The following IL12RB2 variants were observed in gnomAD, a reference collection of about 807,000 sequenced individuals.
The protein encoded by IL12RB2 is interleukin-12 receptor subunit beta-2.
A neutral mutation model predicts 89.4 loss-of-function variants in IL12RB2; 82 were observed. The observed-to-expected ratio is 0.92, with a 90% CI of 0.77 to 1.10. The LOEUF (loss-of-function observed/expected upper bound fraction) is 1.10. Ranked by LOEUF, IL12RB2 falls within the 50% of genes least tolerant of loss-of-function variation. The probability of loss-of-function intolerance (pLI) is 0.00; values close to 1 mark genes in which losing one functional copy is unlikely to be tolerated. For missense variants in IL12RB2, 963 were observed against 1,031.9 expected (o/e 0.93, Z 0.92); for synonymous variants, 368 against 370.1 (o/e 0.99, Z 0.07).
chr1:67,393,381 G>A (rs151143513), intron 16 of IL12RB2, among the ~76,000 whole-genome samples: 13 of 152,308 alleles, frequency 8.5e-5, no homozygotes, highest in African/African-American at 3.1e-4. Context: ...CAGCCAGAGG[G>A]CCCGCTTTGT....
At chr1:67,368,869 A>C (rs1424961161) in intron 11 of IL12RB2, among the ~76,000 whole-genome samples, 1 of 152,172 alleles carries the variant, frequency 6.6e-6, no homozygotes, top group Non-Finnish European at 1.5e-5. Flanking sequence ...TTCGTGGAAA[A>C]TGTTTTGAAC....
At chr1:67,317,368 A>G (rs1655913233) in intron 2 of IL12RB2, among the ~76,000 whole-genome samples, 1 of 152,214 alleles carries the variant, frequency 6.6e-6, no homozygotes, top group Non-Finnish European at 1.5e-5. Context: ...AACACATTTT[A>G]TGTATCTGAA....
intron 10 of IL12RB2, among the ~76,000 whole-genome samples, chr1:67,357,378 A>AAAAAG (rs1008216803): frequency 1.8e-4 from 27 of 152,148 alleles, no homozygotes; most frequent in Admixed American, 1.4e-3. Context: ...ATTCTGTCTC[A>AAAAAG]AAAAGAAAAG....
Position 67,350,934 on chromosome 1 carries a change from C to A in IL12RB2, c.1103C>A (p.Thr368Lys). Residue 368 changes from threonine (T) to lysine (K), a missense_variant, in exon 10 of 17, where the codon ACA becomes AAA. Coordinates refer to ENST00000674203, the MANE Select transcript of IL12RB2 (RefSeq NM_001374259.2). ...LHYQVTLQEL[T>K]GGKAMTQNIT... Reference sequence around the variant, plus strand: ...TATCAGGTGACCTTGCAGGAGCTGACAGGAGGGAAAGCCATGACACAGAAC... The same window carrying A: ...TATCAGGTGACCTTGCAGGAGCTGAAAGGAGGGAAAGCCATGACACAGAAC... The A allele has an allele frequency of 1.9e-6, 3 of 1,614,084 alleles. No individual in the cohort carries two copies. Among genetic ancestry groups the A allele is most frequent in the Non-Finnish European group, 1.7e-6 (2 of 1,179,988 alleles).
At position 67,374,629 on chromosome 1, in the gene IL12RB2, C is replaced by A. The variant is rs191752037; in HGVS notation, c.1717+1846C>A. ...TAGCTGGGATTACAGACATGTACCA[C>A]CATGCCCTGCTAATTTTTGTATTTT... On this transcript the variant is annotated intron_variant, in intron 13 of 16. Coordinates refer to ENST00000674203, the MANE Select transcript of IL12RB2 (RefSeq NM_001374259.2). 2.1e-4 allele frequency among the ~76,000 whole-genome samples: 32 copies of A among 152,138 alleles called. No individual in the cohort carries two copies. The South Asian group carries it at 4.8e-3, about 23-fold the overall frequency.
intron 5 of IL12RB2, 82 bp downstream of exon 5, chr1:67,326,931 A>T (rs368041814): frequency 5.2e-6 from 5 of 965,220 alleles, no homozygotes; most frequent in African/African-American, 1.8e-5. Context: ...TTCTTTATTT[A>T]TTTTTATTTT....
Position 67,340,866 on chromosome 1 carries a change from G to A in IL12RB2, c.1038+2163G>A, listed in dbSNP as rs549184952. Among the ~76,000 whole-genome samples the A allele has an allele frequency of 1.6e-4, 24 of 152,246 alleles. No homozygotes were observed. In the East Asian group the frequency reaches 4.6e-3, roughly 29 times the overall value. ...GGCTTAGGTTCTATAATGAGGTCTT[G>A]GAATTTGGAGGGACTTCAAAGCTCT... On this transcript the variant is annotated intron_variant, in intron 9 of 16. Transcript: ENST00000674203.
chr1:67,350,339 A>C (rs1303502628), intron 9 of IL12RB2, among the ~76,000 whole-genome samples: 1 of 152,274 alleles, frequency 6.6e-6, no homozygotes, highest in Non-Finnish European at 1.5e-5. Flanking sequence ...TTCCTAGCAC[A>C]GATGGCTAAT....
intron 10 of IL12RB2, 118 bp downstream of exon 10, chr1:67,351,207 T>C: frequency 6.5e-7 from 1 of 1,530,122 alleles, no homozygotes; most frequent in Non-Finnish European, 8.8e-7. Flanking sequence ...GGCTTTGGAG[T>C]CAACAGCTTT....
At chr1:67,392,066 GCTGC>G (rs1182974284) in intron 16 of IL12RB2, among the ~76,000 whole-genome samples, 2 of 152,162 alleles carry the variant, frequency 1.3e-5, no homozygotes, top group African/African-American at 4.8e-5. Flanking sequence ...AGCAGGATAT[GCTGC>G]CTATCATTGC....
chr1:67,380,254 C>T (rs1664433639), intron 14 of IL12RB2, 131 bp downstream of exon 14: 2 of 863,638 alleles, frequency 2.3e-6, no homozygotes, highest in Non-Finnish European at 3.8e-6. Context: ...TCACTTTACA[C>T]TTGCTGTTTC....
chr1:67,336,302 T>C (rs1236402448), intron 8 of IL12RB2, among the ~76,000 whole-genome samples: 1 of 152,198 alleles, frequency 6.6e-6, no homozygotes, highest in Non-Finnish European at 1.5e-5. Context: ...GCAGATGTAA[T>C]CATATGCACC....
At chr1:67,320,873 A>G (rs1383639568) in intron 3 of IL12RB2, among the ~76,000 whole-genome samples, 1 of 151,848 alleles carries the variant, frequency 6.6e-6, no homozygotes, top group African/African-American at 2.4e-5. Flanking sequence ...ATTTCTCCTA[A>G]TGCTATCCCT....
intron 8 of IL12RB2, among the ~76,000 whole-genome samples, chr1:67,335,711 A>G (rs548809076): frequency 6.6e-6 from 1 of 151,800 alleles, no homozygotes; most frequent in Admixed American, 6.6e-5. Flanking sequence ...ACTTTTAGTG[A>G]CTCTGTGACA....
At chr1:67,341,584 AAAAG>A (rs1407517386) in intron 9 of IL12RB2, among the ~76,000 whole-genome samples, 1 of 145,662 alleles carries the variant, frequency 6.9e-6, no homozygotes, top group Admixed American at 6.9e-5. Flanking sequence ...AGAAAGAAAG[AAAAG>A]AAAGGAAGGA....
At chr1:67,347,980 G>A (rs1243602186) in intron 9 of IL12RB2, among the ~76,000 whole-genome samples, 1 of 152,120 alleles carries the variant, frequency 6.6e-6, no homozygotes, top group Admixed American at 6.5e-5. Context: ...AGAGTTACAA[G>A]GGCTAAATGG....
intron 14 of IL12RB2, among the ~76,000 whole-genome samples, chr1:67,383,671 C>T (rs926842682): frequency 1.3e-5 from 2 of 152,138 alleles, no homozygotes; most frequent in Non-Finnish European, 2.9e-5. Flanking sequence ...GTCCAAAATC[C>T]AGTAGGGCAA....
At chr1:67,332,278 C>T (rs1658196408) in intron 8 of IL12RB2, among the ~76,000 whole-genome samples, 1 of 150,734 alleles carries the variant, frequency 6.6e-6, no homozygotes, top group Non-Finnish European at 1.5e-5. Flanking sequence ...TGCAGTGGCA[C>T]AATCTCAGCT....
rs1378858570 is a variant in IL12RB2 at position 67,351,071 on chromosome 1, A to G, written c.1240A>G (p.Met414Val). Reference protein sequence around the residue: ...GSSLPTRINIMNLCEAGLLAP... With the variant: ...GSSLPTRINIVNLCEAGLLAP... The stretch of plus-strand genomic sequence containing the variant: ...TTCTCTGCCCACTCGTATTAACATA[A>G]TGAACCTGTGTGAGGCAGGTAAGTT... Residue 414 changes from methionine to valine, a missense_variant, in exon 10 of 17, where the codon ATG becomes GTG. Coordinates refer to ENST00000674203, the MANE Select transcript of IL12RB2 (RefSeq NM_001374259.2). 6.2e-7 allele frequency: 1 copy of G among 1,613,168 alleles called. No individual in the cohort carries two copies. The highest frequency in any genetic ancestry group is 1.1e-5 in the South Asian group (1 of 91,048).
Sources: gnomAD v4.1 joint callset for allele counts (sites outside exome capture counted in the v4.1 genomes callset) on GRCh38, gnomAD v4.1.1 for gene constraint, MANE v1.5 for transcripts, NCBI Gene and HGNC (gene_info 2026-07-23, HGNC 2026-07-21) for gene names.